Variants in EPB41L4B observed in about 807,000 individuals in gnomAD.
EPB41L4B encodes erythrocyte membrane protein band 4.1 like 4B.
Under a neutral mutation model 112.5 loss-of-function variants are expected in EPB41L4B, and 30 were observed. That is an observed-to-expected ratio of 0.27 (90% confidence interval 0.20 to 0.36). The LOEUF is 0.36. Among genes scored for constraint, EPB41L4B ranks in the 10% least tolerant of loss-of-function variants. The pLI is 1.00. For missense variants in EPB41L4B, 1,024 were observed against 1,133.3 expected, an observed-to-expected ratio of 0.90 and a Z score of 1.38; for synonymous variants, 408 against 439.7, an observed-to-expected ratio of 0.93 and a Z score of 0.90.
intron 17 of EPB41L4B, among the ~76,000 whole-genome samples, chr9:109,208,535 G>C (rs1286407611): frequency 6.6e-6 from 1 of 152,160 alleles, no homozygotes; most frequent in Non-Finnish European, 1.5e-5. Context: ...TTAGCTTATT[G>C]TAGAGTGTCT....
chr9:109,314,518 G>A (rs1473943318), intron 1 of EPB41L4B, among the ~76,000 whole-genome samples: 2 of 151,786 alleles, frequency 1.3e-5, no homozygotes, highest in Non-Finnish European at 2.9e-5. Flanking sequence ...TCCCCCTGCA[G>A]GCCAACCCCC....
At chr9:109,307,966 G>A (rs1161393490) in intron 1 of EPB41L4B, among the ~76,000 whole-genome samples, 1 of 152,156 alleles carries the variant, frequency 6.6e-6, no homozygotes, top group Non-Finnish European at 1.5e-5. Context: ...AGACTGGAGT[G>A]AGCAGCCTTC....
chr9:109,319,431 C>A (rs1239016947), intron 1 of EPB41L4B, among the ~76,000 whole-genome samples: 1 of 152,200 alleles, frequency 6.6e-6, no homozygotes, highest in African/African-American at 2.4e-5. Flanking sequence ...ACTCCCAGCG[C>A]CCCAGCAAAG....
rs1042216084 is a variant in EPB41L4B at position 109,210,388 on chromosome 9, G to A, written c.1753-2339C>T. Among the ~76,000 whole-genome samples the A allele has an allele frequency of 2.6e-5, 4 of 152,130 alleles. No homozygotes were observed. The South Asian group carries it at 8.3e-4, about 32-fold the overall frequency. ...AAATTAGATTTAATTTTTCAGAATGGTATACTGGCATACAGGAGTCAAATT... is the reference window on the plus strand; with the variant it reads ...AAATTAGATTTAATTTTTCAGAATGATATACTGGCATACAGGAGTCAAATT... On this transcript the variant is annotated intron_variant, in intron 17 of 25. Coordinates refer to ENST00000374566, the MANE Select transcript of EPB41L4B (RefSeq NM_019114.5).
At chr9:109,249,719 A>G (rs796122557) in intron 13 of EPB41L4B, among the ~76,000 whole-genome samples, 155 of 152,256 alleles carry the variant, frequency 1.0e-3, no homozygotes, top group African/African-American at 3.7e-3. Context: ...CATTTGGCAT[A>G]CTATCTGCCA....
chr9:109,241,600 G>C, intron 15 of EPB41L4B: 1 of 1,604,006 alleles, frequency 6.2e-7, no homozygotes, highest in Non-Finnish European at 8.5e-7. Flanking sequence ...CTGAGGCCAA[G>C]ACACTTTTCA....
At chr9:109,228,834 T>C (rs1304595583) in intron 15 of EPB41L4B, among the ~76,000 whole-genome samples, 1 of 152,224 alleles carries the variant, frequency 6.6e-6, no homozygotes. Context: ...CTCTTTAAAA[T>C]ACTATTACAA....
intron 3 of EPB41L4B, 94 bp downstream of exon 3, chr9:109,268,297 A>G (rs937152174): frequency 7.8e-6 from 9 of 1,157,364 alleles, no homozygotes; most frequent in Non-Finnish European, 1.1e-5. Flanking sequence ...AAATGCTTCC[A>G]AGTTCTAATG....
intron 17 of EPB41L4B, among the ~76,000 whole-genome samples, chr9:109,208,847 C>T (rs1185711220): frequency 3.9e-5 from 6 of 152,144 alleles, no homozygotes; most frequent in Non-Finnish European, 8.8e-5. Context: ...TTATTGTTAA[C>T]CATGCCTATT....
intron 15 of EPB41L4B, among the ~76,000 whole-genome samples, chr9:109,226,031 T>C (rs1833748126): frequency 6.6e-6 from 1 of 152,210 alleles, no homozygotes; most frequent in African/African-American, 2.4e-5. Context: ...AGCCAATTGT[T>C]CTAAGATCAC....
At chr9:109,205,779 C>T (rs373393331) in intron 18 of EPB41L4B, among the ~76,000 whole-genome samples, 2 of 152,172 alleles carry the variant, frequency 1.3e-5, no homozygotes, top group African/African-American at 4.8e-5. Flanking sequence ...ATGTAATCTT[C>T]ACAATAACCT....
rs1831653300 is a variant in EPB41L4B at position 109,172,161 on chromosome 9, A to G, written c.*2393T>C. On this transcript the variant is annotated 3_prime_UTR_variant, in exon 26 of 26. Transcript: ENST00000374566. ...AGGAAGCCCAGAGCCTCCTGGAAAC[A>G]CTGGCCAAAAAGCCCATGCATCCCT... 6.6e-6 allele frequency: 1 copy of G among 152,190 alleles called. No homozygotes were observed. Among genetic ancestry groups the G allele is most frequent in the South Asian group, 2.1e-4 (1 of 4,822 alleles). The allele number at this position is 152,190 out of a possible 1,614,324, so 9.4% of individuals were successfully genotyped here. A position where few individuals can be genotyped will look rare whatever the true frequency, so the allele number is the denominator to read the frequency against.
At position 109,237,228 on chromosome 9, in the gene EPB41L4B, A is replaced by G. The variant is rs1439845344; in HGVS notation, c.1409+6390T>C. 2.6e-5 allele frequency among the ~76,000 whole-genome samples: 4 copies of G among 152,338 alleles called. No homozygotes were observed. In the East Asian group the frequency reaches 7.7e-4, roughly 29 times the overall value. Reference sequence around the variant, plus strand: ...TTGTGGTTAAGGAGAACCATCTTCAACAGAAATGGTAGACCAATAAACGAA... The same window carrying G: ...TTGTGGTTAAGGAGAACCATCTTCAGCAGAAATGGTAGACCAATAAACGAA... On this transcript the variant is annotated intron_variant, in intron 15 of 25. Coordinates refer to ENST00000374566, the MANE Select transcript of EPB41L4B (RefSeq NM_019114.5).
chr9:109,282,372 C>G (rs530022150), intron 1 of EPB41L4B, among the ~76,000 whole-genome samples: 158 of 152,312 alleles, frequency 1.0e-3, no homozygotes, highest in African/African-American at 3.7e-3. Flanking sequence ...CTGGATTGTA[C>G]ATTTTGGATA....
At chr9:109,241,950 A>G (rs1811259097) in intron 15 of EPB41L4B, 1 of 784,590 alleles carries the variant, frequency 1.3e-6, no homozygotes, top group African/African-American at 1.7e-5. Context: ...ATGGAAATGA[A>G]TGGATTTCCT....
intron 23 of EPB41L4B, among the ~76,000 whole-genome samples, chr9:109,185,043 C>T (rs1322722537): frequency 1.3e-5 from 2 of 152,168 alleles, no homozygotes; most frequent in African/African-American, 4.8e-5. Context: ...GACAAAAAAT[C>T]ATGCTAAATT....
Position 109,188,976 on chromosome 9 carries a change from C to T in EPB41L4B, c.2301+3302G>A, listed in dbSNP as rs1588122392. Among the ~76,000 whole-genome samples, 3 of 152,180 alleles carry T rather than the reference C, an allele frequency of 2.0e-5. No homozygotes were observed. The South Asian group carries it at 6.2e-4, about 31-fold the overall frequency. On this transcript the variant is annotated intron_variant, in intron 22 of 25. Coordinates refer to ENST00000374566, the MANE Select transcript of EPB41L4B (RefSeq NM_019114.5). Reference sequence around the variant, plus strand: ...ACTTGGAGTAGCGTGCAGGACTCCGCATTCTAGGGTGAACATCACTAATGC... The same window carrying T: ...ACTTGGAGTAGCGTGCAGGACTCCGTATTCTAGGGTGAACATCACTAATGC...
At chr9:109,222,820 G>C (rs533625811) in intron 15 of EPB41L4B, among the ~76,000 whole-genome samples, 34 of 152,322 alleles carry the variant, frequency 2.2e-4, no homozygotes, top group Non-Finnish European at 4.7e-4. Flanking sequence ...CTGCAAGGAA[G>C]CTGCTGGTGC....
At chr9:109,258,429 C>T (rs1392398562) in intron 6 of EPB41L4B, 132 bp from the exon 7 acceptor site, 15 of 936,202 alleles carry the variant, frequency 1.6e-5, no homozygotes, top group African/African-American at 3.3e-5. Context: ...TCTCTCCTTT[C>T]GGGAAGACTT....
Sources: allele counts gnomAD v4.1 joint callset (sites outside exome capture counted in the v4.1 genomes callset), GRCh38; gene constraint gnomAD v4.1.1; transcripts MANE v1.5; gene names NCBI Gene and HGNC (gene_info 2026-07-23, HGNC 2026-07-21).